HTR2C: variants seen among roughly 807,000 people sequenced by gnomAD.
HTR2C encodes the protein 5-hydroxytryptamine receptor 2C.
HTR2C carries 5 observed loss-of-function variants against 21.0 expected under a neutral mutation model. The observed-to-expected ratio is 0.24, with a 90% CI of 0.12 to 0.50. The LOEUF is 0.50. HTR2C is among the 20% of genes least tolerant of loss of function. The pLI, the probability that HTR2C is intolerant of heterozygous loss-of-function variation, is 0.98. For missense variants in HTR2C, 271 were observed against 371.2 expected (o/e 0.73, Z 2.22); for synonymous variants, 150 against 145.3 (o/e 1.03, Z -0.23).
chrX:114,719,588 T>A (rs1331322770), intron 2 of HTR2C, among the ~76,000 whole-genome samples: 2 of 111,889 alleles, frequency 1.8e-5, no homozygotes, highest in Non-Finnish European at 3.8e-5. Context: ...ATGCAAATTT[T>A]AACAGCATGA....
intron 4 of HTR2C, among the ~76,000 whole-genome samples, chrX:114,796,039 A>G (rs2070289996): frequency 9.0e-6 from 1 of 111,515 alleles, no homozygotes; most frequent in Non-Finnish European, 1.9e-5. Context: ...CTTAAGATAT[A>G]TAGCATATAT....
intron 4 of HTR2C, among the ~76,000 whole-genome samples, chrX:114,772,208 C>T (rs1381633439): frequency 8.9e-6 from 1 of 112,026 alleles, no homozygotes; most frequent in Non-Finnish European, 1.9e-5. Context: ...ACCAAGGTTG[C>T]CATTCTGTAA....
At chrX:114,633,059 A>G (rs1929694718) in intron 2 of HTR2C, among the ~76,000 whole-genome samples, 1 of 111,068 alleles carries the variant, frequency 9.0e-6, no homozygotes, top group Non-Finnish European at 1.9e-5. Flanking sequence ...TTAAAACTTA[A>G]TTTCTTCAAA....
At chrX:114,719,028 A>T (rs12859919) in intron 2 of HTR2C, among the ~76,000 whole-genome samples, 29 of 103,240 alleles carry the variant, frequency 2.8e-4, no homozygotes, top group African/African-American at 8.3e-4. Context: ...AAATAAATAA[A>T]ATAATATAAT....
rs1167727876 is a variant in HTR2C, at chrX:114,731,463, G to A, written c.205G>A (p.Gly69Ser). 1 of 1,207,629 alleles carries A rather than the reference G, an allele frequency of 8.3e-7. No individual in the cohort carries two copies. Among genetic ancestry groups the A allele is most frequent in the Non-Finnish European group, 1.1e-6 (1 of 893,782 alleles). The change falls in exon 4 of 6, where the codon GGT becomes AGT. Residue 69 changes from glycine to serine, a missense_variant. Transcript: ENST00000276198. ...SIVIIIIMTI[G>S]GNILVIMAVS... The stretch of plus-strand genomic sequence containing the variant: ...CGTCATCATAATAATCATGACAATA[G>A]GTGGCAACATCCTTGTGATCATGGC...
chrX:114,653,741 C>T lies in HTR2C; in HGVS notation c.-80+39860C>T, dbSNP rs902776437. Among the ~76,000 whole-genome samples, 3 of 110,558 alleles carry T rather than the reference C, an allele frequency of 2.7e-5. No homozygotes were observed. In the South Asian group the frequency reaches 1.1e-3, roughly 42 times the overall value. ...TTCTATATCTAGCTACAAACACTTT[C>T]TATAGGGTTGAATTGGAATCCATAT... On this transcript the variant is annotated intron_variant, in intron 2 of 5. Coordinates refer to ENST00000276198, the MANE Select transcript of HTR2C (RefSeq NM_000868.4).
chrX:114,795,088 A>G (rs1353271945), intron 4 of HTR2C, among the ~76,000 whole-genome samples: 1 of 110,473 alleles, frequency 9.1e-6, no homozygotes, highest in African/African-American at 3.3e-5. Flanking sequence ...GTGAAATGGT[A>G]TCTCATTGTG....
At chrX:114,597,995 T>A (rs1556393082) in intron 1 of HTR2C, among the ~76,000 whole-genome samples, 1 of 111,687 alleles carries the variant, frequency 9.0e-6, no homozygotes, top group East Asian at 2.8e-4. Context: ...GGGCAAGACA[T>A]TTGACTGAGT....
At chrX:114,817,011 T>C (rs986509746) in intron 4 of HTR2C, among the ~76,000 whole-genome samples, 28 of 111,403 alleles carry the variant, frequency 2.5e-4, no homozygotes, top group African/African-American at 8.8e-4. Context: ...ATAAAATGTT[T>C]ATCTATGATA....
intron 4 of HTR2C, chrX:114,823,456 C>A (rs782296965): frequency 2.9e-6 from 1 of 345,530 alleles, no homozygotes; most frequent in Non-Finnish European, 5.8e-6. Flanking sequence ...TCGCATGGGC[C>A]GGGAGGTTGA....
intron 5 of HTR2C, among the ~76,000 whole-genome samples, chrX:114,856,869 A>G (rs2070966909): frequency 9.0e-6 from 1 of 111,265 alleles, no homozygotes; most frequent in Non-Finnish European, 1.9e-5. Context: ...CAGCAGTTTC[A>G]CCCACCATTA....
In HTR2C at chrX:114,698,437, CAA is replaced by C. The variant is rs1932346345; in HGVS notation, c.-79-28419_-79-28418del. 2.2e-4 allele frequency among the ~76,000 whole-genome samples: 10 copies of C among 45,374 alleles called. No individual in the cohort carries two copies. In the East Asian group the frequency reaches 0.016, roughly 72 times the overall value. The allele number at this position is 45,374 out of a possible 115,157, so 39.4% of individuals were successfully genotyped here. On this transcript the variant is annotated intron_variant, in intron 2 of 5. Transcript: ENST00000276198. ...TTCTGTGCAATCCAGAACACAGGCA[CAA>C]ACACACACACACACACACAAACACA... is the stretch of plus-strand genomic sequence containing the variant.
intron 2 of HTR2C, among the ~76,000 whole-genome samples, chrX:114,724,985 G>T (rs1210409349): frequency 9.1e-6 from 1 of 110,388 alleles, no homozygotes; most frequent in Non-Finnish European, 1.9e-5. Flanking sequence ...AATCTGACAA[G>T]TGTGTGTCTT....
intron 4 of HTR2C, among the ~76,000 whole-genome samples, chrX:114,812,882 A>C (rs1222432606): frequency 8.9e-6 from 1 of 112,136 alleles, no homozygotes; most frequent in African/African-American, 3.2e-5. Context: ...TTATTATGGT[A>C]AATAGTGGAT....
At chrX:114,825,275 G>A in intron 4 of HTR2C, among the ~76,000 whole-genome samples, 1 of 111,298 alleles carries the variant, frequency 9.0e-6, no homozygotes. Flanking sequence ...TTCCCTTTGA[G>A]TACTACTTTA....
intron 2 of HTR2C, among the ~76,000 whole-genome samples, chrX:114,620,589 G>T (rs1414658161): frequency 9.0e-6 from 1 of 110,969 alleles, no homozygotes; most frequent in East Asian, 2.8e-4. Flanking sequence ...GTTACTAAAT[G>T]AATACCTTGC....
chrX:114,735,113 T>A (rs2069577969), intron 4 of HTR2C, among the ~76,000 whole-genome samples: 2 of 110,567 alleles, frequency 1.8e-5, no homozygotes, highest in African/African-American at 6.6e-5. Context: ...GAGACCAGCC[T>A]GGCCAACCGG....
rs782479344 is a variant in HTR2C at position 114,628,491 on chromosome X, T to C, written c.-80+14610T>C. Reference sequence around the variant, plus strand: ...CCAGGCTGGTCTTGAACTCCTGACCTCAGGTGATCTGCCCACCTCAGCCTC... The same window carrying C: ...CCAGGCTGGTCTTGAACTCCTGACCCCAGGTGATCTGCCCACCTCAGCCTC... On this transcript the variant is annotated intron_variant, in intron 2 of 5. Coordinates refer to ENST00000276198, the MANE Select transcript of HTR2C (RefSeq NM_000868.4). Among the ~76,000 whole-genome samples, 21 of 95,482 alleles carry C rather than the reference T, an allele frequency of 2.2e-4. No homozygotes were observed. In the East Asian group the frequency reaches 6.6e-3, roughly 30 times the overall value. The allele number at this position is 95,482 out of a possible 115,157, so 82.9% of individuals were successfully genotyped here. A position where few individuals can be genotyped will look rare whatever the true frequency, so the allele number is the denominator to read the frequency against.
intron 2 of HTR2C, among the ~76,000 whole-genome samples, chrX:114,653,881 G>A (rs1930681341): frequency 9.0e-6 from 1 of 110,764 alleles, no homozygotes; most frequent in African/African-American, 3.3e-5. Flanking sequence ...AATGTACATA[G>A]TGCATACTAA....
Sources: allele counts gnomAD v4.1 joint callset (sites outside exome capture counted in the v4.1 genomes callset), GRCh38; gene constraint gnomAD v4.1.1; transcripts MANE v1.5; gene names NCBI Gene and HGNC (gene_info 2026-07-23, HGNC 2026-07-21).